The following SHC4 variants were observed in gnomAD, a reference collection of about 807,000 sequenced individuals.
SHC4 encodes the protein SHC-transforming protein 4.
Under a neutral mutation model 69.4 loss-of-function variants are expected in SHC4, and 41 were observed. The ratio of observed to expected loss-of-function variants is 0.59; its 90% CI spans 0.46 to 0.77. SHC4 has a LOEUF of 0.77. SHC4 is among the 30% of genes least tolerant of loss of function. The pLI, the probability that SHC4 is intolerant of heterozygous loss-of-function variation, is 0.00. For missense variants in SHC4, 777 were observed against 783.8 expected (o/e 0.99, Z 0.10); for synonymous variants, 318 against 299.3 (o/e 1.06, Z -0.64).
intron 2 of SHC4, among the ~76,000 whole-genome samples, chr15:48,891,589 G>GA (rs1422846292): frequency 6.6e-6 from 1 of 152,184 alleles, no homozygotes; most frequent in African/African-American, 2.4e-5. Context: ...TGTGTAATTT[G>GA]AACCTTAGCC....
intron 2 of SHC4, among the ~76,000 whole-genome samples, chr15:48,922,283 A>G (rs1486995857): frequency 3.9e-5 from 6 of 152,234 alleles, no homozygotes; most frequent in Non-Finnish European, 8.8e-5. Context: ...TGGATACTCC[A>G]TAAACATTCG....
intron 2 of SHC4, among the ~76,000 whole-genome samples, chr15:48,894,366 C>T (rs1393418694): frequency 1.3e-5 from 2 of 152,122 alleles, no homozygotes; most frequent in Non-Finnish European, 2.9e-5. Context: ...TGCACTTGAT[C>T]GGATAAGTAA....
rs762053961 is a variant in SHC4 at position 48,843,451 on chromosome 15, G to C, written c.1441C>G (p.Gln481Glu). 4 of 1,613,844 alleles carry C rather than the reference G, an allele frequency of 2.5e-6. No homozygotes were observed. The African/African-American group carries it at 4.0e-5, about 16-fold the overall frequency. Residue 481 changes from glutamine (Q) to glutamate (E), a missense_variant, in exon 10 of 12, where the codon CAA (glutamine) becomes GAA (glutamate). By Grantham distance (29) the Gln-to-Glu change is conservative (BLOSUM62 2). Transcript: ENST00000332408. ...CTCCCCAGTGGTTGGGCTGACCTTT[G>C]ATTTCCAGCAGAGCCAGGTGTACTT... ...LQSTPGSAGN[Q>E]RSAQPLGSPW...
Position 48,857,776 on chromosome 15 carries a change from T to C in SHC4, c.986A>G (p.Asp329Gly). The C allele has an allele frequency of 6.3e-7, 1 of 1,594,864 alleles. No individual in the cohort carries two copies. Among genetic ancestry groups the C allele is most frequent in the Admixed American group, 1.7e-5 (1 of 58,810 alleles). ...AGCCTGCCCTATGGTACTTATGACG[T>C]CTTGGGCCATTCCATTGTGGCATTC... ...ILECHNGMAQ[D>G]VISTIGQAFE... The change falls in exon 7 of 12, where the codon GAC becomes GGC. Residue 329 changes from aspartate to glycine, a missense_variant. Asp to Gly is a moderately conservative substitution (Grantham distance 94, BLOSUM62 -1). Coordinates refer to ENST00000332408, the MANE Select transcript of SHC4 (RefSeq NM_203349.4).
intron 2 of SHC4, among the ~76,000 whole-genome samples, chr15:48,922,859 G>C (rs1404167834): frequency 1.0e-5 from 1 of 97,490 alleles, no homozygotes; most frequent in African/African-American, 3.3e-5. Context: ...AGGGCTAACA[G>C]TTTGGAAAGT....
chr15:48,841,193 C>T (rs561640595), intron 10 of SHC4, among the ~76,000 whole-genome samples: 56 of 152,260 alleles, frequency 3.7e-4, no homozygotes, highest in African/African-American at 1.1e-3. Context: ...AATAAGTTCT[C>T]TGATAATATG....
At chr15:48,873,698 G>A (rs931526922) in intron 4 of SHC4, among the ~76,000 whole-genome samples, 11 of 151,978 alleles carry the variant, frequency 7.2e-5, no homozygotes, top group African/African-American at 2.4e-4. Flanking sequence ...CTGAGATCAT[G>A]CCACTGCACT....
intron 10 of SHC4, among the ~76,000 whole-genome samples, chr15:48,836,621 G>A (rs1246354211): frequency 6.6e-6 from 1 of 151,766 alleles, no homozygotes; most frequent in Non-Finnish European, 1.5e-5. Flanking sequence ...TAAACACAAA[G>A]AAGTGTTTAT....
rs1346512021 is a variant in SHC4, at chr15:48,856,058, T to C, written c.1137A>G (p.Pro379=). ...CACCACCTACTGGTGGCTGCTTCCC[T>C]GGAATTTCATTGTAATATTCATGAT... ...REDHEYYNEI[P]GKQPPVGGVS... Residue 379 remains proline (P), a synonymous_variant, in exon 8 of 12, where the codon CCA becomes CCG. Transcript: ENST00000332408. 6.2e-7 allele frequency: 1 copy of C among 1,613,850 alleles called. No homozygotes were observed.
At chr15:48,878,051 A>C (rs1899851693) in intron 4 of SHC4, 1 of 1,237,480 alleles carries the variant, frequency 8.1e-7, no homozygotes, top group Non-Finnish European at 1.1e-6. Flanking sequence ...AGGAGGCGGT[A>C]CCTGAGGACC....
chr15:48,959,224 C>A (rs879704661), intron 1 of SHC4, among the ~76,000 whole-genome samples: 4 of 152,142 alleles, frequency 2.6e-5, no homozygotes, highest in Non-Finnish European at 4.4e-5. Context: ...CCATTCCCAC[C>A]CAAGCTACTG....
rs558242912 is a variant in SHC4 at position 48,874,947 on chromosome 15, C to T, written c.841-2805G>A. 9.9e-5 allele frequency among the ~76,000 whole-genome samples: 15 copies of T among 152,280 alleles called. No homozygotes were observed. In the East Asian group the frequency reaches 1.7e-3, roughly 18 times the overall value. ...CTCTTTCCTGCACCATGCACTTTCT[C>T]GGTCACAGTTTTGGTAAGCCCATAA... On this transcript the variant is annotated intron_variant, in intron 4 of 11. Transcript: ENST00000332408.
At chr15:48,906,049 C>G (rs1222611890) in intron 2 of SHC4, among the ~76,000 whole-genome samples, 2 of 152,156 alleles carry the variant, frequency 1.3e-5, no homozygotes, top group Non-Finnish European at 2.9e-5. Context: ...AAACTGCCAA[C>G]AGCTTGTCAT....
At chr15:48,859,923 G>T (rs1411082991) in intron 6 of SHC4, among the ~76,000 whole-genome samples, 2 of 152,242 alleles carry the variant, frequency 1.3e-5, no homozygotes, top group East Asian at 3.9e-4. Flanking sequence ...TACTTGGGAG[G>T]CTTAAAGGAG....
chr15:48,886,956 C>T (rs889805475), intron 3 of SHC4, among the ~76,000 whole-genome samples: 14 of 152,036 alleles, frequency 9.2e-5, no homozygotes, highest in Admixed American at 4.6e-4. Context: ...ATTTTACAAA[C>T]GAGAAAAGTA....
chr15:48,938,257 T>G lies in SHC4; in HGVS notation c.586-13308A>C, dbSNP rs369610542. The G allele has an allele frequency of 2.0e-5, 3 of 152,326 alleles. No individual in the cohort carries two copies. The East Asian group carries it at 5.8e-4, about 29-fold the overall frequency. The allele number at this position is 152,326 out of a possible 1,614,324, so 9.4% of individuals were successfully genotyped here. On this transcript the variant is annotated intron_variant, in intron 1 of 11. Coordinates refer to ENST00000332408, the MANE Select transcript of SHC4 (RefSeq NM_203349.4). Reference sequence around the variant, plus strand: ...ATAGATCCAGCAAAATCCCAGGTTGTGTCAAAGTATTAATACATTCAGAAG... The same window carrying G: ...ATAGATCCAGCAAAATCCCAGGTTGGGTCAAAGTATTAATACATTCAGAAG...
chr15:48,886,507 G>A (rs560686111), intron 3 of SHC4, among the ~76,000 whole-genome samples: 1 of 152,124 alleles, frequency 6.6e-6, no homozygotes, highest in Non-Finnish European at 1.5e-5. Context: ...AAGCACACAG[G>A]ATGGGCAGTG....
intron 4 of SHC4, chr15:48,877,432 C>T: frequency 1.0e-6 from 1 of 980,196 alleles, no homozygotes; most frequent in Non-Finnish European, 1.2e-6. Context: ...GTATATACAA[C>T]TTAAAACCTG....
chr15:48,957,837 C>G (rs1021030332), intron 1 of SHC4, among the ~76,000 whole-genome samples: 1 of 152,070 alleles, frequency 6.6e-6, no homozygotes, highest in African/African-American at 2.4e-5. Context: ...GACTGATGTT[C>G]TTATAAAAAA....
Sources: allele counts gnomAD v4.1 joint callset (sites outside exome capture counted in the v4.1 genomes callset), GRCh38; gene constraint gnomAD v4.1.1; transcripts MANE v1.5; gene names NCBI Gene and HGNC (gene_info 2026-07-23, HGNC 2026-07-21).